MEIS2: variants seen among roughly 807,000 people sequenced by gnomAD.
MEIS2 encodes the protein homeobox protein Meis2.
Under a neutral mutation model 58.6 loss-of-function variants are expected in MEIS2, and 9 were observed. That is an observed-to-expected ratio of 0.15 (90% CI 0.09 to 0.27). The LOEUF (loss-of-function observed/expected upper bound fraction) is 0.27, where lower values mean the gene tolerates loss of function less well. Among genes scored for constraint, MEIS2 ranks in the 10% least tolerant of loss-of-function variants. The pLI is 1.00. For synonymous variants in MEIS2, 221 were observed against 228.4 expected, an observed-to-expected ratio of 0.97 and a Z score of 0.29; for missense variants, 427 against 635.0, an observed-to-expected ratio of 0.67 and a Z score of 3.52.
chr15:36,921,637 A>C (rs2057512682), intron 9 of MEIS2, among the ~76,000 whole-genome samples: 1 of 152,044 alleles, frequency 6.6e-6, no homozygotes, highest in African/African-American at 2.4e-5. Context: ...TTGTTCCCAG[A>C]GCTTGTGTTT....
At chr15:37,009,082 G>T (rs1321572162) in intron 8 of MEIS2, among the ~76,000 whole-genome samples, 10 of 152,190 alleles carry the variant, frequency 6.6e-5, no homozygotes, top group Non-Finnish European at 1.5e-4. Context: ...AAGGTCAGGA[G>T]ATAGAGACCA....
chr15:37,011,323 A>G (rs1027584038), intron 8 of MEIS2, among the ~76,000 whole-genome samples: 16 of 152,238 alleles, frequency 1.1e-4, no homozygotes, highest in African/African-American at 3.9e-4. Flanking sequence ...GTTGAATTAT[A>G]TAAGAGTTGC....
At chr15:37,040,149 A>C (rs2062359541) in intron 7 of MEIS2, among the ~76,000 whole-genome samples, 1 of 151,658 alleles carries the variant, frequency 6.6e-6, no homozygotes, top group South Asian at 2.1e-4. Flanking sequence ...AAATGAGTTT[A>C]TGTGCTGAAA....
intron 8 of MEIS2, among the ~76,000 whole-genome samples, chr15:37,004,929 G>A (rs2060861863): frequency 6.6e-6 from 1 of 152,186 alleles, no homozygotes; most frequent in African/African-American, 2.4e-5. Flanking sequence ...TTGTATGCAT[G>A]TACCAAAATA....
At chr15:37,054,146 C>A (rs948954663) in intron 7 of MEIS2, among the ~76,000 whole-genome samples, 1 of 152,216 alleles carries the variant, frequency 6.6e-6, no homozygotes, top group Non-Finnish European at 1.5e-5. Flanking sequence ...TTCCATAAAG[C>A]ATTATTTCCA....
chr15:37,015,074 G>C (rs1374725083), intron 8 of MEIS2, among the ~76,000 whole-genome samples: 1 of 152,224 alleles, frequency 6.6e-6, no homozygotes, highest in East Asian at 1.9e-4. Flanking sequence ...ACACTAAAGT[G>C]AAAAGCTATT....
chr15:37,099,644 A>ATT lies in MEIS2; in HGVS notation c.-180_-179dup, dbSNP rs140248890. 2.0e-5 allele frequency: 16 copies of ATT among 780,510 alleles called. No homozygotes were observed. The African/African-American group carries it at 2.8e-4, about 13-fold the overall frequency. 48.3% of individuals were successfully genotyped at this position (780,510 alleles called of 1,614,324 possible). A position where few individuals can be genotyped will look rare whatever the true frequency, so the allele number is the denominator to read the frequency against. ...AAAAGCCCAGTCTAGACAACGAAGA[A>ATT]TTTTTTTTTCTGTGATATTTCTTCT... On this transcript the variant is annotated 5_prime_UTR_variant, in exon 1 of 12. Coordinates refer to ENST00000561208, the MANE Select transcript of MEIS2 (RefSeq NM_170675.5).
chr15:37,093,067 G>A (rs1340568427), intron 6 of MEIS2, among the ~76,000 whole-genome samples: 1 of 152,132 alleles, frequency 6.6e-6, no homozygotes, highest in Non-Finnish European at 1.5e-5. Flanking sequence ...ATTGTAATGT[G>A]TTTGTTCACC....
chr15:37,051,988 A>AG (rs4008126), intron 7 of MEIS2, among the ~76,000 whole-genome samples: 8 of 151,988 alleles, frequency 5.3e-5, no homozygotes, highest in Non-Finnish European at 1.0e-4. Flanking sequence ...CAAAAAAAAA[A>AG]TACCGATAAT....
At chr15:37,033,915 T>G (rs2062037515) in intron 8 of MEIS2, among the ~76,000 whole-genome samples, 1 of 151,266 alleles carries the variant, frequency 6.6e-6, no homozygotes, top group Non-Finnish European at 1.5e-5. Context: ...TGCAGTGGGG[T>G]GAAGTGTGGA....
intron 9 of MEIS2, among the ~76,000 whole-genome samples, chr15:36,906,678 C>A (rs77201357): frequency 0.015 from 2,064 of 139,778 alleles, 23 homozygotes; most frequent in East Asian, 0.086. Flanking sequence ...AAAACAAGGA[C>A]AAAAGAAGAG....
intron 9 of MEIS2, among the ~76,000 whole-genome samples, chr15:36,902,547 C>T (rs2056532289): frequency 6.6e-6 from 1 of 152,228 alleles, no homozygotes; most frequent in Admixed American, 6.5e-5. Flanking sequence ...TGCAGAAATA[C>T]ATTACCGTCC....
intron 8 of MEIS2, among the ~76,000 whole-genome samples, chr15:36,967,444 A>C (rs1175791378): frequency 6.6e-6 from 1 of 152,174 alleles, no homozygotes; most frequent in Non-Finnish European, 1.5e-5. Context: ...TTTTCCTTAT[A>C]CTAAGCTGAT....
intron 7 of MEIS2, among the ~76,000 whole-genome samples, chr15:37,080,677 C>A (rs1892091252): frequency 6.6e-6 from 1 of 152,088 alleles, no homozygotes; most frequent in South Asian, 2.1e-4. Context: ...CAAGTCTGCA[C>A]CCTAATTCCA....
chr15:36,964,263 G>A (rs879249770), intron 8 of MEIS2, among the ~76,000 whole-genome samples: 11 of 152,294 alleles, frequency 7.2e-5, no homozygotes, highest in Admixed American at 2.0e-4. Context: ...TCTGTGTTCC[G>A]TTCATTGCTG....
At chr15:36,901,596 C>T (rs951944491) in intron 9 of MEIS2, among the ~76,000 whole-genome samples, 6 of 152,002 alleles carry the variant, frequency 3.9e-5, no homozygotes, top group Admixed American at 3.3e-4. Context: ...AATGAATTTC[C>T]CTAAGCAATA....
chr15:37,088,349 CAA>C (rs1177003763), intron 6 of MEIS2, among the ~76,000 whole-genome samples: 1 of 152,010 alleles, frequency 6.6e-6, no homozygotes, highest in Non-Finnish European at 1.5e-5. Flanking sequence ...TAATTTGACT[CAA>C]TATATTTAAA....
chr15:37,098,729 C>T (rs1044167241), intron 1 of MEIS2, among the ~76,000 whole-genome samples: 3 of 152,036 alleles, frequency 2.0e-5, no homozygotes, highest in South Asian at 2.1e-4. Context: ...CCCCTAACCC[C>T]CCTTCGCCTC....
At chr15:37,018,400 A>G (rs1330325140) in intron 8 of MEIS2, among the ~76,000 whole-genome samples, 2 of 152,224 alleles carry the variant, frequency 1.3e-5, no homozygotes, top group African/African-American at 4.8e-5. Context: ...AGTAAGACCC[A>G]CATCATCTCA....
Sources: gnomAD v4.1 joint callset for allele counts (sites outside exome capture counted in the v4.1 genomes callset) on GRCh38, gnomAD v4.1.1 for gene constraint, MANE v1.5 for transcripts, NCBI Gene and HGNC (gene_info 2026-07-23, HGNC 2026-07-21) for gene names.